ANKRD23: variants seen among roughly 807,000 people sequenced by gnomAD.
ANKRD23 encodes ankyrin repeat domain 23, also known as ankyrin repeat domain-containing protein 23.
Under a neutral mutation model 38.1 loss-of-function variants are expected in ANKRD23, and 52 were observed. The ratio of observed to expected loss-of-function variants is 1.36; its 90% CI spans 1.09 to 1.72. The LOEUF (loss-of-function observed/expected upper bound fraction) is 1.72. ANKRD23 is among the 40% of genes most tolerant of loss of function. The pLI, the probability that ANKRD23 is intolerant of heterozygous loss-of-function variation, is 0.00. For missense variants in ANKRD23, 416 were observed against 400.2 expected (o/e 1.04, Z -0.34); for synonymous variants, 167 against 162.9 (o/e 1.03, Z -0.19).
At chr2:96,841,090 T>A in intron 3 of ANKRD23, 178 bp from the exon 4 acceptor site, 2 of 693,372 alleles carry the variant, frequency 2.9e-6, no homozygotes, top group Non-Finnish European at 4.7e-6. Flanking sequence ...ACTGTGTGTG[T>A]GTGAGCGTGT....
chr2:96,841,918 C>A (rs955365536), intron 3 of ANKRD23, 142 bp downstream of exon 3: 3 of 1,230,502 alleles, frequency 2.4e-6, no homozygotes, highest in African/African-American at 1.5e-5. Context: ...GACACATCCG[C>A]GGGGGCTCTG....
chr2:96,839,368 T>C lies in ANKRD23; in HGVS notation c.*181A>G, dbSNP rs1267342058. 6.4e-6 allele frequency: 8 copies of C among 1,256,230 alleles called. No homozygotes were observed. In the Admixed American group the frequency reaches 2.7e-4, roughly 42 times the overall value. The allele number at this position is 1,256,230 out of a possible 1,614,324, so 77.8% of individuals were successfully genotyped here. A position where few individuals can be genotyped will look rare whatever the true frequency, so the allele number is the denominator to read the frequency against. On this transcript the variant is annotated 3_prime_UTR_variant, in exon 9 of 9. Transcript: ENST00000318357. ...CCTGACACTCGAAGCCAGGGAGGCC[T>C]CTCTCTTTGCCTGCTGGGCCCGGTG...
Position 96,844,015 on chromosome 2 carries a change from C to G in ANKRD23, c.-23G>C, listed in dbSNP as rs1431483021. ...CATGGTCCCCCCTGTTCCTCACACC[C>G]CCCAGTGAGAAGAGCTGAACTGCTC... On this transcript the variant is annotated 5_prime_UTR_variant, in exon 1 of 9. Coordinates refer to ENST00000318357, the MANE Select transcript of ANKRD23 (RefSeq NM_144994.8). 1.3e-6 allele frequency: 2 copies of G among 1,590,878 alleles called. No individual in the cohort carries two copies. The highest frequency in any genetic ancestry group is 1.7e-6 in the Non-Finnish European group (2 of 1,169,004).
At position 96,840,680 on chromosome 2, in the gene ANKRD23, A is replaced by G. The variant is rs958444529; in HGVS notation, c.426+107T>C. ...TGCAGGTGCCACTGGATTCATGCCC[A>G]TAAGAGTGAAAATCCCTGCAGCCTC... On this transcript the variant is annotated intron_variant, in intron 4 of 8. Coordinates refer to ENST00000318357, the MANE Select transcript of ANKRD23 (RefSeq NM_144994.8). The G allele has an allele frequency of 8.4e-6, 13 of 1,552,422 alleles. No individual in the cohort carries two copies. The East Asian group carries it at 2.3e-4, about 27-fold the overall frequency.
intron 3 of ANKRD23, 116 bp downstream of exon 3, chr2:96,841,944 G>A (rs946590315): frequency 6.8e-7 from 1 of 1,463,726 alleles, no homozygotes; most frequent in Non-Finnish European, 9.3e-7. Flanking sequence ...GATTTAATGG[G>A]CTCCCCAGGC....
intron 1 of ANKRD23, among the ~76,000 whole-genome samples, chr2:96,842,961 C>T (rs1401815093): frequency 6.6e-6 from 1 of 152,224 alleles, no homozygotes; most frequent in East Asian, 1.9e-4. Context: ...TTCTAAATGC[C>T]TGGGTTCAGT....
At chr2:96,843,616 C>A (rs1305547364) in intron 1 of ANKRD23, among the ~76,000 whole-genome samples, 3 of 152,162 alleles carry the variant, frequency 2.0e-5, no homozygotes, top group Non-Finnish European at 4.4e-5. Context: ...CTTTCCCATT[C>A]GACTTCCCTC....
chr2:96,838,350 A>C lies in ANKRD23; in HGVS notation c.*1199T>G, dbSNP rs530044147. On this transcript the variant is annotated 3_prime_UTR_variant, in exon 9 of 9. Transcript: ENST00000318357. ...TCTTAAGATTCACTTTCTGGCGTTT[A>C]GGGGCCCAGCCCCACCAGCAGTACA... The C allele has an allele frequency of 3.1e-4, 302 of 987,760 alleles. 2 individuals are homozygous for C. In the African/African-American group the frequency reaches 5.1e-3, roughly 17 times the overall value. The allele number at this position is 987,760 out of a possible 1,614,324, so 61.2% of individuals were successfully genotyped here. A position where few individuals can be genotyped will look rare whatever the true frequency, so the allele number is the denominator to read the frequency against.
Position 96,842,531 on chromosome 2 carries a change from G to A in ANKRD23, c.28-20C>T. 1 of 1,595,716 alleles carries A rather than the reference G, an allele frequency of 6.3e-7. No individual in the cohort carries two copies. The highest frequency in any genetic ancestry group is 1.1e-5 in the South Asian group (1 of 88,608). The stretch of plus-strand genomic sequence containing the variant: ...ACTTACCTGTAGGAACAGGATATGA[G>A]TACTGAGTTGGGAAAATTGGAGGAA... On this transcript the variant is annotated intron_variant, in intron 1 of 8. Transcript: ENST00000318357.
At chr2:96,843,368 C>T (rs911597978) in intron 1 of ANKRD23, among the ~76,000 whole-genome samples, 1 of 152,156 alleles carries the variant, frequency 6.6e-6, no homozygotes, top group African/African-American at 2.4e-5. Flanking sequence ...CTCAAACCGA[C>T]ATCCCTAAGA....
intron 4 of ANKRD23, 108 bp from the exon 5 acceptor site, chr2:96,840,622 C>T: frequency 2.6e-6 from 4 of 1,513,490 alleles, no homozygotes; most frequent in Non-Finnish European, 3.6e-6. Flanking sequence ...CCACTTCCCC[C>T]ACCACGCGAT....
At chr2:96,843,900 C>T in intron 1 of ANKRD23, 66 bp downstream of exon 1, 2 of 1,544,096 alleles carry the variant, frequency 1.3e-6, no homozygotes, top group Non-Finnish European at 1.8e-6. Flanking sequence ...TGCCAGCCCT[C>T]TCTAGCCAGC....
At position 96,839,634 on chromosome 2, in the gene ANKRD23, G is replaced by T. The variant is rs778794580; in HGVS notation, c.833C>A (p.Thr278Asn). ...CCAGTCTCGAGCCAGCTGCACCGGG[G>T]TCACGGAGGCCTGGGAGCAACGGTG... The part of the protein sequence containing the change: ...ELGVRNAASV[T>N]PVQLARDWQR... Residue 278 changes from threonine to asparagine, a missense_variant, in exon 9 of 9, where the codon ACC becomes AAC. Transcript: ENST00000318357. 10 of 1,514,246 alleles carry T rather than the reference G, an allele frequency of 6.6e-6. No homozygotes were observed. The highest frequency in any genetic ancestry group is 8.9e-7 in the Non-Finnish European group (1 of 1,129,528). The allele number at this position is 1,514,246 out of a possible 1,614,324, so 93.8% of individuals were successfully genotyped here.
chr2:96,842,705 C>T (rs988446584), intron 1 of ANKRD23, among the ~76,000 whole-genome samples, 194 bp from the exon 2 acceptor site: 12 of 152,216 alleles, frequency 7.9e-5, no homozygotes, highest in African/African-American at 2.2e-4. Context: ...CTGCAGGCTC[C>T]GCAACTGTGT....
At chr2:96,840,128 G>T in intron 6 of ANKRD23, 33 bp from the exon 7 acceptor site, 3 of 1,549,368 alleles carry the variant, frequency 1.9e-6, no homozygotes, top group Non-Finnish European at 2.6e-6. Context: ...GCTGGGTCTG[G>T]ATTGGTGAGG....
Position 96,840,262 on chromosome 2 carries a change from G to C in ANKRD23, c.594C>G (p.Asn198Lys), listed in dbSNP as rs754999115. Reference protein sequence around the residue: ...GHLVILKQLLNQGARVNARDK... With the variant: ...GHLVILKQLLKQGARVNARDK... ...CCCGGGCATTGACCCGGGCTCCCTG[G>C]TTAAGCAGCTGTTTGAGGATGACCA... Residue 198 changes from asparagine (N) to lysine (K), a missense_variant, in exon 6 of 9, where the codon AAC becomes AAG. Asn to Lys is a moderately conservative substitution (Grantham distance 94). Transcript: ENST00000318357. 3.8e-5 allele frequency: 62 copies of C among 1,611,562 alleles called. No homozygotes were observed. The highest frequency in any genetic ancestry group is 2.5e-5 in the Non-Finnish European group (30 of 1,178,860).
At position 96,839,547 on chromosome 2, in the gene ANKRD23, GGT is replaced by G. The variant is rs2079733014; in HGVS notation, c.918_*1del. 6.9e-7 allele frequency: 1 copy of G among 1,446,968 alleles called. No individual in the cohort carries two copies. The highest frequency in any genetic ancestry group is 9.1e-7 in the Non-Finnish European group (1 of 1,104,302). The allele number at this position is 1,446,968 out of a possible 1,614,324, so 89.6% of individuals were successfully genotyped here. A position where few individuals can be genotyped will look rare whatever the true frequency, so the allele number is the denominator to read the frequency against. The stretch of plus-strand genomic sequence containing the variant: ...AAGGCGCGGCGGGGGGCGGTGCTGC[GGT>G]CAGCACCGGGTGCGGGGATGCGCCA... On this transcript the variant is annotated stop_lost and 3_prime_UTR_variant, in exon 9 of 9. Coordinates refer to ENST00000318357, the MANE Select transcript of ANKRD23 (RefSeq NM_144994.8).
Position 96,840,766 on chromosome 2 carries a change from G to T in ANKRD23, c.426+21C>A, listed in dbSNP as rs574411892. On this transcript the variant is annotated intron_variant, in intron 4 of 8. Coordinates refer to ENST00000318357, the MANE Select transcript of ANKRD23 (RefSeq NM_144994.8). ...CCTGCAGCTGCAGCTGCTGCCAGCC[G>T]ACTCACCCAACCTGTGCTACCTTGT... 9 of 1,613,534 alleles carry T rather than the reference G, an allele frequency of 5.6e-6. No individual in the cohort carries two copies. In the East Asian group the frequency reaches 1.3e-4, roughly 24 times the overall value.
chr2:96,839,321 C>G lies in ANKRD23; in HGVS notation c.*228G>C. 2 of 1,249,164 alleles carry G rather than the reference C, an allele frequency of 1.6e-6. No homozygotes were observed. Among genetic ancestry groups the G allele is most frequent in the Non-Finnish European group, 2.0e-6 (2 of 998,886 alleles). The allele number at this position is 1,249,164 out of a possible 1,614,324, so 77.4% of individuals were successfully genotyped here. A position where few individuals can be genotyped will look rare whatever the true frequency, so the allele number is the denominator to read the frequency against. ...GCTGCCTTGTGGTCCTCTGCTCCAG[C>G]CCTGGGAGGGAACGCGGCTCCCCTG... On this transcript the variant is annotated 3_prime_UTR_variant, in exon 9 of 9. Transcript: ENST00000318357.
Sources: gnomAD v4.1 joint callset for allele counts (sites outside exome capture counted in the v4.1 genomes callset) on GRCh38, gnomAD v4.1.1 for gene constraint, MANE v1.5 for transcripts, NCBI Gene and HGNC (gene_info 2026-07-23, HGNC 2026-07-21) for gene names.